Variants in AGFG1 observed in about 807,000 individuals in gnomAD.
The protein encoded by AGFG1 is ArfGAP with FG repeats 1, also known as arf-GAP domain and FG repeat-containing protein 1.
A neutral mutation model predicts 60.6 loss-of-function variants in AGFG1; 10 were observed. The observed-to-expected ratio is 0.16, with a 90% CI of 0.10 to 0.28. The LOEUF is 0.28. AGFG1 is among the 10% of genes least tolerant of loss of function. The pLI is 1.00. For missense variants in AGFG1, 537 were observed against 676.5 expected, an observed-to-expected ratio of 0.79 and a Z score of 2.29; for synonymous variants, 247 against 242.9, an observed-to-expected ratio of 1.02 and a Z score of -0.16.
Position 227,524,951 on chromosome 2 carries a change from GC to G in AGFG1, c.694+37del, listed in dbSNP as rs769486591. The G allele has an allele frequency of 5.0e-6, 8 of 1,610,106 alleles. No individual in the cohort carries two copies. In the South Asian group the frequency reaches 8.8e-5, roughly 18 times the overall value. ...TTTCCCAACAGCTTTTGCTGGGGATGCATATAAAACACCAAGAAACATCAAT... is the reference window on the plus strand; with the variant it reads ...TTTCCCAACAGCTTTTGCTGGGGATGATATAAAACACCAAGAAACATCAAT... On this transcript the variant is annotated intron_variant, in intron 5 of 12. Coordinates refer to ENST00000310078, the MANE Select transcript of AGFG1 (RefSeq NM_004504.5).
Position 227,520,054 on chromosome 2 carries a change from A to C in AGFG1, c.368A>C (p.Lys123Thr). ...GAGTTTCTACAAGAAAAGTATGAAA[A>C]GAAAAGATGGTGAGTGAAGAGTTTG... ...VKEFLQEKYE[K>T]KRWYVPPEQA... Residue 123 changes from lysine to threonine, a missense_variant, in exon 3 of 13, where the codon AAG (lysine) becomes ACG (threonine). Around this residue, in one of 4 missense-constraint regions of AGFG1, gnomAD observed 120 missense variants for 198.5 expected, o/e 0.60. Transcript: ENST00000310078. The C allele has an allele frequency of 6.4e-7, 1 of 1,571,484 alleles. No homozygotes were observed. Among genetic ancestry groups the C allele is most frequent in the Non-Finnish European group, 8.6e-7 (1 of 1,162,496 alleles).
At chr2:227,538,101 T>C (rs143432133) in intron 10 of AGFG1, among the ~76,000 whole-genome samples, 91 of 152,312 alleles carry the variant, frequency 6.0e-4, no homozygotes, top group Non-Finnish European at 9.7e-4. Flanking sequence ...TTTGTACAAT[T>C]TATCAGGTGT....
chr2:227,554,466 G>C lies in AGFG1; in HGVS notation c.1660G>C (p.Gly554Arg). 1.2e-6 allele frequency: 2 copies of C among 1,613,530 alleles called. No individual in the cohort carries two copies. ...TGAPTGQFPT[G>R]SSSTNPFL ...TGCACCAACAGGACAATTTCCAACA[G>C]GAAGCTCATCAACCAATCCTTTCTT... The change falls in exon 13 of 13, where the codon GGA (glycine) becomes CGA (arginine). Residue 554 changes from glycine (G) to arginine (R), a missense_variant. By Grantham distance (125) the Gly-to-Arg change is moderately radical. Coordinates refer to ENST00000310078, the MANE Select transcript of AGFG1 (RefSeq NM_004504.5).
chr2:227,482,232 A>C lies in AGFG1; in HGVS notation c.168-9315A>C, dbSNP rs117079755. The stretch of plus-strand genomic sequence containing the variant: ...TCATAACTTGAATATTATTTTTTAG[A>C]TGCTTGCTCTAAGTGTTACAAGGAC... On this transcript the variant is annotated intron_variant, in intron 1 of 12. Coordinates refer to ENST00000310078, the MANE Select transcript of AGFG1 (RefSeq NM_004504.5). Among the ~76,000 whole-genome samples the C allele has an allele frequency of 2.2e-4, 33 of 152,194 alleles. No homozygotes were observed. The East Asian group carries it at 6.4e-3, about 29-fold the overall frequency.
chr2:227,516,519 A>G (rs1251451859), intron 2 of AGFG1, among the ~76,000 whole-genome samples: 1 of 152,164 alleles, frequency 6.6e-6, no homozygotes, highest in Non-Finnish European at 1.5e-5. Context: ...TTTGTAGAGG[A>G]CTCAAGCAGC....
Position 227,510,051 on chromosome 2 carries a change from T to C in AGFG1, c.262-9897T>C, listed in dbSNP as rs562406116. ...TAGTTTGAGATAGTTGGGCAGATGA[T>C]AATCTTCCTTGAAACTACTATGACT... is the stretch of plus-strand genomic sequence containing the variant. On this transcript the variant is annotated intron_variant, in intron 2 of 12. Transcript: ENST00000310078. Among the ~76,000 whole-genome samples the C allele has an allele frequency of 2.6e-4, 39 of 152,330 alleles. No individual in the cohort carries two copies. In the South Asian group the frequency reaches 7.5e-3, roughly 29 times the overall value.
intron 1 of AGFG1, among the ~76,000 whole-genome samples, chr2:227,477,051 G>A (rs576863194): frequency 4.3e-4 from 66 of 151,766 alleles, no homozygotes; most frequent in Non-Finnish European, 6.2e-4. Flanking sequence ...ACAGGCGCCC[G>A]CCACCATGCC....
At chr2:227,510,530 G>A (rs1691464706) in intron 2 of AGFG1, among the ~76,000 whole-genome samples, 1 of 151,650 alleles carries the variant, frequency 6.6e-6, no homozygotes, top group African/African-American at 2.4e-5. Flanking sequence ...CTATGTCTTG[G>A]TGGAGGGGTG....
chr2:227,543,917 T>A (rs891329229), intron 10 of AGFG1, among the ~76,000 whole-genome samples: 6 of 152,336 alleles, frequency 3.9e-5, no homozygotes, highest in African/African-American at 1.4e-4. Flanking sequence ...TTGATCCCTT[T>A]ACCATTATGT....
At chr2:227,492,251 A>G (rs1690841416) in intron 2 of AGFG1, among the ~76,000 whole-genome samples, 1 of 151,984 alleles carries the variant, frequency 6.6e-6, no homozygotes, top group Non-Finnish European at 1.5e-5. Context: ...TTTTGCTATT[A>G]GTAAAAGTTT....
chr2:227,486,446 A>G (rs891801025), intron 1 of AGFG1, among the ~76,000 whole-genome samples: 6 of 152,160 alleles, frequency 3.9e-5, no homozygotes, highest in African/African-American at 1.4e-4. Flanking sequence ...TAGATACTGT[A>G]TACATATTAA....
chr2:227,502,549 G>T (rs1290712170), intron 2 of AGFG1, among the ~76,000 whole-genome samples: 1 of 151,478 alleles, frequency 6.6e-6, no homozygotes, highest in African/African-American at 2.4e-5. Flanking sequence ...TGGAACTCCT[G>T]ACCTCAGGTG....
chr2:227,504,706 G>A (rs1691260671), intron 2 of AGFG1, among the ~76,000 whole-genome samples: 1 of 152,332 alleles, frequency 6.6e-6, no homozygotes. Flanking sequence ...TTATTTAGAA[G>A]TAGTGGTTTA....
chr2:227,501,789 G>A (rs1691165321), intron 2 of AGFG1, among the ~76,000 whole-genome samples: 1 of 151,996 alleles, frequency 6.6e-6, no homozygotes, highest in African/African-American at 2.4e-5. Context: ...TACTTCTGAG[G>A]CACTGTTTTG....
chr2:227,552,995 C>A (rs1575121321), intron 11 of AGFG1, among the ~76,000 whole-genome samples: 2 of 67,158 alleles, frequency 3.0e-5, no homozygotes, highest in Admixed American at 2.3e-4. Context: ...AGTGAAATTC[C>A]ATCTCAAAAA....
chr2:227,478,193 A>G (rs558549355), intron 1 of AGFG1, among the ~76,000 whole-genome samples: 1 of 150,854 alleles, frequency 6.6e-6, no homozygotes, highest in African/African-American at 2.4e-5. Flanking sequence ...GTCAAGTTTG[A>G]TAGTGGATAA....
At chr2:227,526,337 G>A (rs1001343563) in intron 5 of AGFG1, among the ~76,000 whole-genome samples, 3 of 152,056 alleles carry the variant, frequency 2.0e-5, no homozygotes, top group African/African-American at 7.3e-5. Context: ...GGGATTACAA[G>A]CGTGTGCCAC....
intron 2 of AGFG1, chr2:227,508,593 T>C (rs757858534): frequency 2.1e-6 from 1 of 470,374 alleles, no homozygotes; most frequent in South Asian, 1.6e-5. Flanking sequence ...AAACCTTGCA[T>C]ATCAGATTCA....
chr2:227,483,195 C>T (rs954030123), intron 1 of AGFG1, among the ~76,000 whole-genome samples: 2 of 152,016 alleles, frequency 1.3e-5, no homozygotes, highest in Admixed American at 1.3e-4. Flanking sequence ...GGGAAGTGAC[C>T]TCAGGTTCAC....
Sources: allele counts gnomAD v4.1 joint callset (sites outside exome capture counted in the v4.1 genomes callset), GRCh38; gene constraint gnomAD v4.1.1; regional missense constraint gnomAD v4.1.1; transcripts MANE v1.5; gene names NCBI Gene and HGNC (gene_info 2026-07-23, HGNC 2026-07-21).